The following SLC27A6 variants were observed in gnomAD, a reference collection of about 807,000 sequenced individuals.
SLC27A6 encodes the protein solute carrier family 27 member 6, also known as long-chain fatty acid transport protein 6.
Under a neutral mutation model 63.9 loss-of-function variants are expected in SLC27A6, and 74 were observed. That is an observed-to-expected ratio of 1.16 (90% CI 0.96 to 1.40). The LOEUF is 1.40. SLC27A6 is among the 40% of genes most tolerant of loss of function. The probability of loss-of-function intolerance (pLI) is 0.00; values close to 1 mark genes in which losing one functional copy is unlikely to be tolerated. For missense variants in SLC27A6, 794 were observed against 732.9 expected, an observed-to-expected ratio of 1.08 and a Z score of -0.96; for synonymous variants, 287 against 260.8, an observed-to-expected ratio of 1.10 and a Z score of -0.97.
At chr5:129,026,822 A>G (rs1752259905) in intron 6 of SLC27A6, among the ~76,000 whole-genome samples, 1 of 152,124 alleles carries the variant, frequency 6.6e-6, no homozygotes, top group African/African-American at 2.4e-5. Flanking sequence ...GGTAACATCT[A>G]CATAATCCAA....
At chr5:128,983,296 T>TTTG (rs1034720311) in intron 1 of SLC27A6, among the ~76,000 whole-genome samples, 1 of 148,208 alleles carries the variant, frequency 6.7e-6, no homozygotes, top group Non-Finnish European at 1.5e-5. Context: ...CGGGTTTTTT[T>TTTG]TTTTTTTTTT....
chr5:129,032,386 G>A (rs906020641), intron 9 of SLC27A6, among the ~76,000 whole-genome samples: 1 of 152,030 alleles, frequency 6.6e-6, no homozygotes, highest in Non-Finnish European at 1.5e-5. Context: ...GACAGGGAGA[G>A]CCTGATTTCA....
chr5:128,998,236 G>A (rs1001219999), intron 4 of SLC27A6, among the ~76,000 whole-genome samples: 1 of 152,002 alleles, frequency 6.6e-6, no homozygotes, highest in Non-Finnish European at 1.5e-5. Context: ...AAGCTGCAGT[G>A]AGCTATGATT....
chr5:128,980,882 C>T (rs1359489700), intron 1 of SLC27A6, among the ~76,000 whole-genome samples: 2 of 152,080 alleles, frequency 1.3e-5, no homozygotes, highest in African/African-American at 4.8e-5. Context: ...TTTAGTGCAG[C>T]ATAAATAATA....
rs778265162 is a variant in SLC27A6, at chr5:128,990,403, A to G, written c.908A>G (p.Tyr303Cys). ...CAGTTTTGGAGTGACTGCAAGAAGT[A>G]TGATGTGACTGTGTTTCAGTATATT... ...ASQFWSDCKK[Y>C]DVTVFQYIGE... Residue 303 changes from tyrosine (Y) to cysteine (C), a missense_variant, in exon 4 of 10, where the codon TAT becomes TGT. Transcript: ENST00000262462. 5.0e-6 allele frequency: 8 copies of G among 1,614,024 alleles called. No individual in the cohort carries two copies. In the South Asian group the frequency reaches 8.8e-5, roughly 18 times the overall value.
chr5:128,993,846 G>A (rs1215631633), intron 4 of SLC27A6, among the ~76,000 whole-genome samples: 3 of 141,882 alleles, frequency 2.1e-5, no homozygotes, highest in South Asian at 2.2e-4. Context: ...GGTGGTTCAC[G>A]CCTGTAATCC....
intron 1 of SLC27A6, among the ~76,000 whole-genome samples, chr5:128,971,065 G>T (rs1750138822): frequency 6.6e-6 from 1 of 152,160 alleles, no homozygotes; most frequent in African/African-American, 2.4e-5. Context: ...TAGTTGTGCG[G>T]TTTTGAGTGA....
chr5:129,031,441 C>T lies in SLC27A6; in HGVS notation c.1684-1665C>T, dbSNP rs372470591. Among the ~76,000 whole-genome samples the T allele has an allele frequency of 7.9e-5, 12 of 151,930 alleles. No individual in the cohort carries two copies. The South Asian group carries it at 1.7e-3, about 21-fold the overall frequency. On this transcript the variant is annotated intron_variant, in intron 9 of 9. Coordinates refer to ENST00000262462, the MANE Select transcript of SLC27A6 (RefSeq NM_001017372.3). ...AATATTCAGTGTGGCTGGGATAAAA[C>T]GAACTTGGTCCTTTCATTCTGCTCA...
chr5:128,983,297 T>C (rs1245238305), intron 1 of SLC27A6, among the ~76,000 whole-genome samples: 1 of 148,338 alleles, frequency 6.7e-6, no homozygotes, highest in Non-Finnish European at 1.5e-5. Flanking sequence ...GGGTTTTTTT[T>C]TTTTTTTTTT....
At chr5:128,971,566 C>G (rs987970757) in intron 1 of SLC27A6, among the ~76,000 whole-genome samples, 38 of 148,506 alleles carry the variant, frequency 2.6e-4, no homozygotes, top group African/African-American at 8.3e-4. Flanking sequence ...TTATCAGAGA[C>G]TAGGATTGCA....
At chr5:128,989,078 A>G (rs1750887581) in intron 3 of SLC27A6, among the ~76,000 whole-genome samples, 1 of 152,144 alleles carries the variant, frequency 6.6e-6, no homozygotes, top group African/African-American at 2.4e-5. Flanking sequence ...GTTCCAAGGG[A>G]GTGAGTATGG....
Position 129,001,398 on chromosome 5 carries a change from T to C in SLC27A6, c.969+10934T>C, listed in dbSNP as rs146518854. Among the ~76,000 whole-genome samples the C allele has an allele frequency of 3.6e-3, 545 of 152,334 alleles. 2 individuals carry two copies. The highest frequency in any genetic ancestry group is 0.013 in the African/African-American group (520 of 41,578). ...ACTTGGTGTCTATATTGTTTCAGTG[T>C]ATAATATTGGAGTGTCTGTGAAGAA... On this transcript the variant is annotated intron_variant, in intron 4 of 9. Transcript: ENST00000262462.
At chr5:128,966,785 C>T (rs1387622542) in intron 1 of SLC27A6, among the ~76,000 whole-genome samples, 167 bp downstream of exon 1, 1 of 152,160 alleles carries the variant, frequency 6.6e-6, no homozygotes, top group African/African-American at 2.4e-5. Flanking sequence ...ACAACTGTCT[C>T]CTCCCTTCAG....
intron 4 of SLC27A6, among the ~76,000 whole-genome samples, chr5:129,008,095 G>A (rs961673835): frequency 1.3e-5 from 2 of 151,802 alleles, no homozygotes; most frequent in African/African-American, 4.8e-5. Flanking sequence ...TTCTCTAAAT[G>A]TTGTATGATA....
At chr5:128,984,522 A>C in intron 1 of SLC27A6, among the ~76,000 whole-genome samples, 1 of 152,118 alleles carries the variant, frequency 6.6e-6, no homozygotes, top group East Asian at 1.9e-4. Flanking sequence ...TTCTTTCTGA[A>C]CCTTAAATTG....
rs988854434 is a variant in SLC27A6 at position 128,966,422 on chromosome 5, C to T, written c.285C>T (p.Val95=). The T allele has an allele frequency of 1.9e-6, 3 of 1,607,772 alleles. No individual in the cohort carries two copies. Among genetic ancestry groups the T allele is most frequent in the African/African-American group, 1.3e-5 (1 of 74,892 alleles). ...AAAGGAGCAGCAGAGTGGCCCATGT[C>T]TTCCTGAACCATTCCTCTCTGAAAA... ...VDKRSSRVAH[V]FLNHSSLKKG... The change falls in exon 1 of 10, where the codon GTC becomes GTT. Residue 95 remains valine (V), a synonymous_variant. Coordinates refer to ENST00000262462, the MANE Select transcript of SLC27A6 (RefSeq NM_001017372.3).
intron 5 of SLC27A6, among the ~76,000 whole-genome samples, chr5:129,017,565 T>A (rs1207434314): frequency 2.6e-5 from 4 of 151,836 alleles, no homozygotes; most frequent in Non-Finnish European, 5.9e-5. Context: ...ATAGAAAAAA[T>A]GTTTGGTGAT....
chr5:128,970,744 A>G (rs36190577), intron 1 of SLC27A6, among the ~76,000 whole-genome samples: 33,440 of 146,584 alleles, frequency 0.23, 4,476 homozygotes, highest in Middle Eastern at 0.32. Flanking sequence ...AGGGTTTTTT[A>G]TGTCTCTATC....
At chr5:129,022,304 CA>C (rs1315277467) in intron 5 of SLC27A6, among the ~76,000 whole-genome samples, 1 of 152,154 alleles carries the variant, frequency 6.6e-6, no homozygotes, top group Non-Finnish European at 1.5e-5. Context: ...AACTCTTAAA[CA>C]CTTAGCACAG....
Sources: gnomAD v4.1 joint callset for allele counts (sites outside exome capture counted in the v4.1 genomes callset) on GRCh38, gnomAD v4.1.1 for gene constraint, MANE v1.5 for transcripts, NCBI Gene and HGNC (gene_info 2026-07-23, HGNC 2026-07-21) for gene names.